Variants in TRAPPC9 observed in about 807,000 individuals in gnomAD.
TRAPPC9 encodes the protein IKK2 binding protein.
In TRAPPC9, 83 loss-of-function variants were observed where a neutral mutation model predicts 124.0. The observed-to-expected ratio is 0.67, with a 90% confidence interval of 0.56 to 0.80. The LOEUF is 0.80. Among genes scored for constraint, TRAPPC9 ranks in the 30% least tolerant of loss-of-function variants. TRAPPC9 has a pLI of 0.00. For missense variants in TRAPPC9, 1,302 were observed against 1,508.3 expected (o/e 0.86, Z 2.27); for synonymous variants, 638 against 617.5 (o/e 1.03, Z -0.49).
chr8:140,042,897 G>A lies in TRAPPC9; in HGVS notation c.2557-18818C>T, dbSNP rs143240282. Among the ~76,000 whole-genome samples the A allele has an allele frequency of 2.6e-5, 4 of 152,334 alleles. No homozygotes were observed. The East Asian group carries it at 7.7e-4, about 29-fold the overall frequency. ...GCTGAGCCAGCAGTTGTGCCTCCGG[G>A]CTCCTTCGCTCTGGGCAGCCCTAGG... On this transcript the variant is annotated intron_variant, in intron 17 of 22. Transcript: ENST00000438773.
intron 4 of TRAPPC9, among the ~76,000 whole-genome samples, chr8:140,428,047 G>A (rs2070492661): frequency 6.6e-6 from 1 of 152,152 alleles, no homozygotes; most frequent in Non-Finnish European, 1.5e-5. Flanking sequence ...CAGGTCCAAG[G>A]TCTGCACTGA....
At chr8:140,367,646 T>C (rs59359099) in intron 8 of TRAPPC9, among the ~76,000 whole-genome samples, 5,430 of 152,238 alleles carry the variant, frequency 0.036, 205 homozygotes, top group African/African-American at 0.097. Context: ...GATATCATAA[T>C]GGTGGATACT....
intron 21 of TRAPPC9, among the ~76,000 whole-genome samples, chr8:139,750,767 A>C (rs1819260668): frequency 6.6e-6 from 1 of 152,190 alleles, no homozygotes; most frequent in African/African-American, 2.4e-5. Context: ...CACCTGTTCA[A>C]CAGGTCCCAG....
chr8:140,046,669 C>T (rs1392331140), intron 17 of TRAPPC9, among the ~76,000 whole-genome samples: 5 of 152,208 alleles, frequency 3.3e-5, no homozygotes, highest in African/African-American at 9.6e-5. Flanking sequence ...AGTCATCTTG[C>T]ACTTTCTAAA....
At chr8:140,425,539 C>T (rs1295196723) in intron 5 of TRAPPC9, among the ~76,000 whole-genome samples, 2 of 152,166 alleles carry the variant, frequency 1.3e-5, no homozygotes, top group Admixed American at 6.5e-5. Context: ...TCTCAACAAA[C>T]GCCTGATTTT....
intron 15 of TRAPPC9, among the ~76,000 whole-genome samples, chr8:140,266,469 C>T (rs1046058870): frequency 2.2e-5 from 2 of 89,152 alleles, no homozygotes; most frequent in South Asian, 7.3e-4. Flanking sequence ...TCTAACAAGA[C>T]AAAAAAAAAA....
intron 17 of TRAPPC9, among the ~76,000 whole-genome samples, chr8:140,107,127 AC>A (rs932738145): frequency 6.6e-6 from 1 of 152,096 alleles, no homozygotes; most frequent in Non-Finnish European, 1.5e-5. Flanking sequence ...TACAGCAAGG[AC>A]CACCATACTA....
intron 17 of TRAPPC9, among the ~76,000 whole-genome samples, chr8:140,162,473 T>C (rs2061767896): frequency 6.6e-6 from 1 of 152,246 alleles, no homozygotes; most frequent in Admixed American, 6.5e-5. Context: ...ATTTGATCTG[T>C]ATTTCCAGAA....
At chr8:139,897,931 C>T (rs751573813) in intron 20 of TRAPPC9, among the ~76,000 whole-genome samples, 10 of 152,232 alleles carry the variant, frequency 6.6e-5, no homozygotes, top group South Asian at 2.1e-4. Flanking sequence ...TTGAAGAGGG[C>T]GAGAGCCCCT....
chr8:140,089,361 G>A (rs977979222), intron 17 of TRAPPC9, among the ~76,000 whole-genome samples: 2 of 152,130 alleles, frequency 1.3e-5, no homozygotes, highest in African/African-American at 2.4e-5. Context: ...AGACTTGCTC[G>A]GGTTTTAGAA....
intron 19 of TRAPPC9, among the ~76,000 whole-genome samples, chr8:139,925,870 T>C (rs1025830056): frequency 6.6e-6 from 1 of 151,502 alleles, no homozygotes; most frequent in African/African-American, 2.4e-5. Flanking sequence ...CTCTGAGTTA[T>C]GTACAGGATA....
intron 17 of TRAPPC9, among the ~76,000 whole-genome samples, chr8:140,072,812 A>G (rs984727109): frequency 6.6e-6 from 1 of 152,186 alleles, no homozygotes; most frequent in Non-Finnish European, 1.5e-5. Flanking sequence ...ACTTCACTGT[A>G]TATCTGACAA....
intron 21 of TRAPPC9, among the ~76,000 whole-genome samples, chr8:139,869,181 C>G (rs1457845490): frequency 6.6e-6 from 1 of 152,164 alleles, no homozygotes; most frequent in African/African-American, 2.4e-5. Context: ...GAAAGCAAAA[C>G]TCAATGCTTC....
At chr8:140,048,407 G>C (rs1252203211) in intron 17 of TRAPPC9, among the ~76,000 whole-genome samples, 2 of 152,124 alleles carry the variant, frequency 1.3e-5, no homozygotes, top group East Asian at 3.9e-4. Context: ...CACCTCTTGG[G>C]AGGAAGAGTA....
rs371674152 is a variant in TRAPPC9 at position 139,974,043 on chromosome 8, G to A, written c.2810+14683C>T. Among the ~76,000 whole-genome samples the A allele has an allele frequency of 7.2e-5, 11 of 152,282 alleles. No homozygotes were observed. The South Asian group carries it at 2.1e-3, about 29-fold the overall frequency. ...GCTCCATGGTCCCCCCATCCCTGCC[G>A]CCCAAGCCTCCAGGCCACACTGGGT... On this transcript the variant is annotated intron_variant, in intron 19 of 22. Transcript: ENST00000438773.
chr8:140,028,917 G>T (rs1407364567), intron 17 of TRAPPC9, among the ~76,000 whole-genome samples: 2 of 151,884 alleles, frequency 1.3e-5, no homozygotes, highest in African/African-American at 4.8e-5. Flanking sequence ...ATAAATAATG[G>T]AAAAAAACAA....
chr8:139,992,354 T>C lies in TRAPPC9; in HGVS notation c.2700-3518A>G, dbSNP rs551485789. Among the ~76,000 whole-genome samples, 4 of 152,250 alleles carry C rather than the reference T, an allele frequency of 2.6e-5. No homozygotes were observed. In the South Asian group the frequency reaches 8.3e-4, roughly 32 times the overall value. On this transcript the variant is annotated intron_variant, in intron 18 of 22. Transcript: ENST00000438773. ...CAAATTTTGTTTTTAGATTTTGGAA[T>C]ACCTGCATTATACTCACCAAGTGAG...
intron 21 of TRAPPC9, among the ~76,000 whole-genome samples, chr8:139,879,238 C>A (rs925350372): frequency 6.6e-6 from 1 of 152,164 alleles, no homozygotes; most frequent in African/African-American, 2.4e-5. Context: ...GCAGGGAACA[C>A]GGCAGCCCCA....
At chr8:139,830,104 T>C (rs1417650461) in intron 21 of TRAPPC9, among the ~76,000 whole-genome samples, 1 of 152,202 alleles carries the variant, frequency 6.6e-6, no homozygotes, top group African/African-American at 2.4e-5. Flanking sequence ...CCTACAGAGC[T>C]ATCTAGAAAC....
Sources: gnomAD v4.1 joint callset for allele counts (sites outside exome capture counted in the v4.1 genomes callset) on GRCh38, gnomAD v4.1.1 for gene constraint, MANE v1.5 for transcripts, NCBI Gene and HGNC (gene_info 2026-07-23, HGNC 2026-07-21) for gene names.